Variants in DUX4 observed in about 807,000 individuals in gnomAD.
The protein encoded by DUX4 is double homeobox 4.
chr4:190,176,052 A>G (rs1742289652), downstream of DUX4, among the ~76,000 whole-genome samples: 3 of 111,712 alleles, frequency 2.7e-5, no homozygotes, highest in African/African-American at 7.9e-5. Flanking sequence ...AGCCTAGACA[A>G]TTGTTACATC....
downstream of DUX4, among the ~76,000 whole-genome samples, chr4:190,177,869 A>ACT (rs1742391736): frequency 7.0e-6 from 1 of 143,330 alleles, no homozygotes. Flanking sequence ...GATATGTCAC[A>ACT]ATGTCCCTGT....
downstream of DUX4, among the ~76,000 whole-genome samples, chr4:190,176,433 G>T (rs1404070972): frequency 2.8e-5 from 3 of 106,860 alleles, 1 homozygote; most frequent in Non-Finnish European, 4.3e-5. Context: ...AGATACGTGA[G>T]AATTCCCTTG....
Position 190,184,127 on chromosome 4 carries a change from G to A in DUX4, n.93-1214G>A, listed in dbSNP as rs1377366163. 4.7e-5 allele frequency among the ~76,000 whole-genome samples: 6 copies of A among 128,104 alleles called. 1 individual carries two copies. Among genetic ancestry groups the A allele is most frequent in the Non-Finnish European group, 1.8e-5 (1 of 55,170 alleles). The allele number at this position is 128,104 out of a possible 152,430, so 84.0% of individuals were successfully genotyped here. ...AGATGTGGCAGGAATTTCTTGAGAG[G>A]CAGAGGGAGAGCATGAGAATGTTAG... On this transcript the variant is annotated intron_variant and non_coding_transcript_variant, in intron 1 of 2. Transcript: ENST00000563716.
chr4:190,177,347 GA>G (rs1742361697), downstream of DUX4, among the ~76,000 whole-genome samples: 34 of 16,812 alleles, frequency 2.0e-3, no homozygotes, highest in Non-Finnish European at 3.0e-3. Flanking sequence ...GCAGAGCCTA[GA>G]CAAGAGTTAC....
downstream of DUX4, among the ~76,000 whole-genome samples, chr4:190,176,855 AG>A (rs1454130771): frequency 2.2e-5 from 3 of 135,670 alleles, 1 homozygote; most frequent in Non-Finnish European, 5.0e-5. Flanking sequence ...AGCCTTCTGT[AG>A]GCAAAGCCCA....
chr4:190,179,014 GTGC>G (rs1742471598), downstream of DUX4, among the ~76,000 whole-genome samples: 1 of 112,670 alleles, frequency 8.9e-6, no homozygotes, highest in Non-Finnish European at 2.0e-5. Context: ...TGGATGATTA[GTGC>G]AGAGTTATGT....
chr4:190,178,285 T>C (rs2126572459), downstream of DUX4, among the ~76,000 whole-genome samples: 171 of 108,662 alleles, frequency 1.6e-3, no homozygotes, highest in Non-Finnish European at 1.8e-3. Flanking sequence ...TGTCACAATG[T>C]CCCCTGTAGG....
At chr4:190,179,150 G>A (rs1742480194), downstream of DUX4, among the ~76,000 whole-genome samples, 209 of 147,762 alleles carry the variant, frequency 1.4e-3, no homozygotes, top group East Asian at 2.0e-3. Context: ...TAGGTGATCA[G>A]TGCAGAGATA....
downstream of DUX4, among the ~76,000 whole-genome samples, chr4:190,177,715 C>T (rs1579833188): frequency 2.5e-3 from 342 of 135,506 alleles, no homozygotes; most frequent in African/African-American, 6.8e-3. Context: ...TGCGTGATCA[C>T]TGCAGAGATA....
At chr4:190,179,486 T>A (rs1742497291), downstream of DUX4, among the ~76,000 whole-genome samples, 104 of 119,764 alleles carry the variant, frequency 8.7e-4, no homozygotes, top group Admixed American at 1.9e-3. Context: ...ATCACCTGGG[T>A]GATCAGTGCA....
chr4:190,176,555 G>A (rs1262650168), downstream of DUX4, among the ~76,000 whole-genome samples: 2 of 105,558 alleles, frequency 1.9e-5, 1 homozygote, highest in Non-Finnish European at 4.5e-5. Context: ...GTTTATCAGT[G>A]TAATTATTAG....
At chr4:190,179,454 G>GGA (rs1168106691), downstream of DUX4, among the ~76,000 whole-genome samples, 1 of 48,876 alleles carries the variant, frequency 2.0e-5, no homozygotes, top group African/African-American at 9.0e-5. Context: ...CACCCTGTAA[G>GGA]CAGATCCTAG....
At position 190,175,738 on chromosome 4, in the gene DUX4, CT is replaced by C. The variant is rs1245520803; in HGVS notation, c.*329del. ...CTTCCGTGAAATTCTGGCTGAATGT[CT>C]CCCCCCACCTTCCGACGCTGTCTAG... On this transcript the variant is annotated 3_prime_UTR_variant, in exon 2 of 2. Coordinates refer to ENST00000565211, the MANE Select transcript of DUX4 (RefSeq NM_001306068.3). The C allele has an allele frequency of 6.2e-6, 1 of 160,452 alleles. No individual in the cohort carries two copies. The highest frequency in any genetic ancestry group is 9.1e-5 in the Admixed American group (1 of 10,942). 9.9% of individuals were successfully genotyped at this position (160,452 alleles called of 1,614,324 possible).
At chr4:190,177,921 T>C (rs1579833496), downstream of DUX4, among the ~76,000 whole-genome samples, 109 of 145,196 alleles carry the variant, frequency 7.5e-4, no homozygotes, top group South Asian at 3.1e-3. Context: ...GGGTGATCAG[T>C]GTGGAGATAT....
At chr4:190,176,146 G>A (rs1372687510), downstream of DUX4, among the ~76,000 whole-genome samples, 1 of 112,074 alleles carries the variant, frequency 8.9e-6, no homozygotes, top group Non-Finnish European at 2.1e-5. Flanking sequence ...GCTGATCAGT[G>A]CAGAGATATC....
downstream of DUX4, among the ~76,000 whole-genome samples, chr4:190,178,179 A>G (rs1742407517): frequency 2.6e-5 from 4 of 152,072 alleles, no homozygotes; most frequent in African/African-American, 7.2e-5. Flanking sequence ...AAAGAGTTAC[A>G]TTACCTGGGT....
downstream of DUX4, chr4:190,175,906 A>T (rs1255926515): frequency 7.0e-5 from 9 of 128,264 alleles, 4 homozygotes; most frequent in African/African-American, 2.4e-4. Flanking sequence ...CTGTAGAAAA[A>T]GCCTGAAATT....
chr4:190,179,703 A>C (rs1579835864), downstream of DUX4, among the ~76,000 whole-genome samples: 3 of 152,282 alleles, frequency 2.0e-5, no homozygotes, highest in African/African-American at 4.8e-5. Context: ...CAGTGCAGAG[A>C]TATGTCTCAA....
At chr4:190,179,167 A>ACC (rs1742480930), downstream of DUX4, among the ~76,000 whole-genome samples, 1 of 151,512 alleles carries the variant, frequency 6.6e-6, no homozygotes. Context: ...GATACATTGC[A>ACC]ATGCCCCTGT....
Sources: gnomAD v4.1 joint callset for allele counts (sites outside exome capture counted in the v4.1 genomes callset) on GRCh38, gnomAD v4.1.1 for gene constraint, MANE v1.5 for transcripts, NCBI Gene and HGNC (gene_info 2026-07-23, HGNC 2026-07-21) for gene names.